LRMDA: variants seen among roughly 807,000 people sequenced by gnomAD.
LRMDA encodes the protein leucine-rich melanocyte differentiation-associated protein.
LRMDA carries 18 observed loss-of-function variants against 29.8 expected under a neutral mutation model. That is an observed-to-expected ratio of 0.60 (90% CI 0.42 to 0.90). The LOEUF (loss-of-function observed/expected upper bound fraction) is 0.90, where lower values mean the gene tolerates loss of function less well. Ranked by LOEUF, LRMDA falls within the 40% of genes least tolerant of loss-of-function variation. The probability of loss-of-function intolerance (pLI) is 0.00; values close to 1 mark genes in which losing one functional copy is unlikely to be tolerated. For missense variants in LRMDA, 273 were observed against 273.9 expected (o/e 1.00, Z 0.02); for synonymous variants, 125 against 109.4 (o/e 1.14, Z -0.89).
At chr10:75,556,012 G>A (rs1440648552) in intron 2 of LRMDA, among the ~76,000 whole-genome samples, 2 of 152,110 alleles carry the variant, frequency 1.3e-5, no homozygotes, top group African/African-American at 4.8e-5. Flanking sequence ...ATTCAGTCTT[G>A]AAAAAATTGT....
At chr10:76,073,965 A>G (rs1848916651) in intron 5 of LRMDA, among the ~76,000 whole-genome samples, 1 of 152,238 alleles carries the variant, frequency 6.6e-6, no homozygotes, top group African/African-American at 2.4e-5. Context: ...ATGTGCCTTC[A>G]GACTGTAAGC....
In LRMDA at chr10:75,750,775, G is replaced by A. The variant is rs376842105; in HGVS notation, c.132-285233G>A. Among the ~76,000 whole-genome samples, 197 of 149,046 alleles carry A rather than the reference G, an allele frequency of 1.3e-3. 5 individuals are homozygous for A. In the South Asian group the frequency reaches 0.031, roughly 23 times the overall value. ...AGACGATGGGCGGCCAGGCAGAGAC[G>A]CTCCTCACTTCCCAGACAGGGTGGC... is the stretch of plus-strand genomic sequence containing the variant. On this transcript the variant is annotated intron_variant, in intron 2 of 6. Coordinates refer to ENST00000611255, the MANE Select transcript of LRMDA (RefSeq NM_001305581.2).
chr10:75,580,885 G>T (rs1016334318), intron 2 of LRMDA, among the ~76,000 whole-genome samples: 2 of 152,164 alleles, frequency 1.3e-5, no homozygotes, highest in African/African-American at 4.8e-5. Flanking sequence ...GCTGAAACTG[G>T]ATCTCTTCCT....
At chr10:75,456,213 C>G (rs1043321100) in intron 2 of LRMDA, among the ~76,000 whole-genome samples, 1 of 152,162 alleles carries the variant, frequency 6.6e-6, no homozygotes, top group Non-Finnish European at 1.5e-5. Flanking sequence ...TGAGCAGGGC[C>G]TGCGTTTCGG....
chr10:76,550,962 A>G (rs150225568), intron 6 of LRMDA, among the ~76,000 whole-genome samples: 131 of 152,344 alleles, frequency 8.6e-4, no homozygotes, highest in African/African-American at 3.0e-3. Flanking sequence ...AGCACATCAC[A>G]TGGGCTGACC....
chr10:76,542,151 A>G (rs1843365101), intron 6 of LRMDA, among the ~76,000 whole-genome samples: 1 of 152,016 alleles, frequency 6.6e-6, no homozygotes, highest in Admixed American at 6.5e-5. Context: ...ACATTTTCAC[A>G]TTTGGGTTTT....
chr10:76,043,383 C>T (rs1177779256), intron 3 of LRMDA, among the ~76,000 whole-genome samples: 4 of 151,978 alleles, frequency 2.6e-5, no homozygotes, highest in Non-Finnish European at 5.9e-5. Flanking sequence ...ACAAATATTC[C>T]CCCACTGAAT....
chr10:75,646,091 C>G (rs992798743), intron 2 of LRMDA, among the ~76,000 whole-genome samples: 4 of 151,888 alleles, frequency 2.6e-5, no homozygotes, highest in African/African-American at 9.7e-5. Flanking sequence ...CTCCCTCCCC[C>G]CACATTCTTT....
chr10:76,265,553 A>G (rs1839995912), intron 5 of LRMDA, among the ~76,000 whole-genome samples: 1 of 152,184 alleles, frequency 6.6e-6, no homozygotes, highest in African/African-American at 2.4e-5. Context: ...CCACATGGTC[A>G]GGAAGTTTTG....
intron 2 of LRMDA, among the ~76,000 whole-genome samples, chr10:75,948,105 T>C (rs1474876104): frequency 1.3e-5 from 2 of 152,166 alleles, no homozygotes; most frequent in Non-Finnish European, 2.9e-5. Context: ...TCCCCAGCAG[T>C]GTTTGCATAA....
At position 75,536,420 on chromosome 10, in the gene LRMDA, A is replaced by T. The variant is rs532232161; in HGVS notation, c.131+97926A>T. Among the ~76,000 whole-genome samples the T allele has an allele frequency of 3.3e-5, 5 of 152,082 alleles. No individual in the cohort carries two copies. The East Asian group carries it at 5.8e-4, about 18-fold the overall frequency. ...CCTCTACCTCTTGAAAATCCTAACTATGTATATACCCTGGTGGTTCATACA... is the reference window on the plus strand; with the variant it reads ...CCTCTACCTCTTGAAAATCCTAACTTTGTATATACCCTGGTGGTTCATACA... On this transcript the variant is annotated intron_variant, in intron 2 of 6. Transcript: ENST00000611255.
intron 2 of LRMDA, among the ~76,000 whole-genome samples, chr10:75,956,617 C>A (rs937860273): frequency 2.6e-5 from 4 of 152,186 alleles, no homozygotes; most frequent in Non-Finnish European, 2.9e-5. Context: ...CTTTCTCTGT[C>A]CTGAGGTCAT....
intron 2 of LRMDA, among the ~76,000 whole-genome samples, chr10:75,515,833 C>T (rs1454035607): frequency 6.6e-6 from 1 of 151,990 alleles, no homozygotes; most frequent in East Asian, 1.9e-4. Context: ...GATATTTCTC[C>T]TAATGCTATC....
intron 5 of LRMDA, among the ~76,000 whole-genome samples, chr10:76,110,104 G>A (rs1849553051): frequency 6.6e-6 from 1 of 152,072 alleles, no homozygotes; most frequent in Non-Finnish European, 1.5e-5. Context: ...TGTCTCAGAC[G>A]CCTCAAAGGT....
At chr10:75,583,165 A>G (rs1840615297) in intron 2 of LRMDA, among the ~76,000 whole-genome samples, 1 of 152,200 alleles carries the variant, frequency 6.6e-6, no homozygotes, top group Admixed American at 6.5e-5. Flanking sequence ...GCTGTTACCC[A>G]GTTCCACAGT....
chr10:75,701,289 T>A (rs1310706284), intron 2 of LRMDA, among the ~76,000 whole-genome samples: 1 of 152,196 alleles, frequency 6.6e-6, no homozygotes, highest in Non-Finnish European at 1.5e-5. Context: ...ACAGGGAGTA[T>A]TGGAATAGAA....
intron 2 of LRMDA, among the ~76,000 whole-genome samples, chr10:75,613,824 A>G (rs558051716): frequency 6.6e-6 from 1 of 152,342 alleles, no homozygotes; most frequent in African/African-American, 2.4e-5. Context: ...TAGTAATACT[A>G]TAGCGACTCA....
At chr10:76,528,776 G>A (rs1843204869) in intron 6 of LRMDA, among the ~76,000 whole-genome samples, 1 of 152,034 alleles carries the variant, frequency 6.6e-6, no homozygotes, top group Non-Finnish European at 1.5e-5. Context: ...ATATCACTAG[G>A]AACACAGGCT....
At chr10:75,640,628 T>C (rs1841440650) in intron 2 of LRMDA, among the ~76,000 whole-genome samples, 1 of 152,108 alleles carries the variant, frequency 6.6e-6, no homozygotes, top group African/African-American at 2.4e-5. Context: ...GGGAAATAAA[T>C]TAGAGGCCCC....
Sources: gnomAD v4.1 joint callset for allele counts (sites outside exome capture counted in the v4.1 genomes callset) on GRCh38, gnomAD v4.1.1 for gene constraint, MANE v1.5 for transcripts, NCBI Gene and HGNC (gene_info 2026-07-23, HGNC 2026-07-21) for gene names.